Variants in AGBL4 observed in about 807,000 individuals in gnomAD.
The protein encoded by AGBL4 is cytosolic carboxypeptidase 6.
Under a neutral mutation model 66.4 loss-of-function variants are expected in AGBL4, and 58 were observed. The observed-to-expected ratio is 0.87, with a 90% CI of 0.71 to 1.09. The LOEUF (loss-of-function observed/expected upper bound fraction) is 1.09, where lower values mean the gene tolerates loss of function less well. Among genes scored for constraint, AGBL4 ranks in the 50% least tolerant of loss-of-function variants. The pLI is 0.00. For synonymous variants in AGBL4, 234 were observed against 222.9 expected (o/e 1.05, Z -0.44); for missense variants, 579 against 631.0 (o/e 0.92, Z 0.88).
chr1:49,499,228 T>G (rs1647897478), intron 3 of AGBL4, among the ~76,000 whole-genome samples: 2 of 152,034 alleles, frequency 1.3e-5, no homozygotes, highest in South Asian at 4.1e-4. Flanking sequence ...TTCAATCTCC[T>G]TTCTCAACAT....
intron 3 of AGBL4, among the ~76,000 whole-genome samples, chr1:49,575,714 C>G (rs1558067789): frequency 6.6e-6 from 1 of 152,190 alleles, no homozygotes; most frequent in Non-Finnish European, 1.5e-5. Flanking sequence ...TCTCCTGGTA[C>G]CTAGTATGCA....
intron 4 of AGBL4, among the ~76,000 whole-genome samples, chr1:49,065,189 T>C (rs547200227): frequency 1.3e-5 from 2 of 152,280 alleles, no homozygotes; most frequent in African/African-American, 2.4e-5. Context: ...AGCTAGTCAA[T>C]GGCAGCTAGA....
chr1:48,989,612 G>A (rs569927245), intron 5 of AGBL4, among the ~76,000 whole-genome samples: 6 of 152,194 alleles, frequency 3.9e-5, no homozygotes, highest in African/African-American at 1.4e-4. Context: ...CCCAAAATAA[G>A]TGAGAACAAA....
intron 7 of AGBL4, 125 bp from the exon 8 acceptor site, chr1:48,653,576 T>G: frequency 1.5e-6 from 1 of 657,148 alleles, no homozygotes; most frequent in South Asian, 1.9e-5. Context: ...TATTGGCCAC[T>G]GTGGGTGTGT....
At chr1:49,303,637 C>CA (rs1557822915) in intron 3 of AGBL4, among the ~76,000 whole-genome samples, 1 of 150,392 alleles carries the variant, frequency 6.6e-6, no homozygotes, top group African/African-American at 2.4e-5. Context: ...TTTTCTTCTT[C>CA]TTTTTTTTTC....
chr1:48,600,993 G>T (rs1015634966), intron 9 of AGBL4, among the ~76,000 whole-genome samples: 2 of 152,142 alleles, frequency 1.3e-5, no homozygotes, highest in African/African-American at 4.8e-5. Context: ...GAAACAGAGA[G>T]AGATGAGAGG....
chr1:48,555,104 C>T (rs185950289), intron 11 of AGBL4, among the ~76,000 whole-genome samples: 107 of 151,112 alleles, frequency 7.1e-4, no homozygotes, highest in African/African-American at 2.4e-3. Context: ...AGTCAGGGTG[C>T]AAAAAGTGGG....
chr1:48,727,887 T>C (rs774395516), intron 6 of AGBL4: 3 of 1,601,822 alleles, frequency 1.9e-6, no homozygotes, highest in Admixed American at 1.7e-5. Context: ...ATCCAAAGTT[T>C]ATTGCAAATT....
chr1:49,042,036 C>G (rs1643955229), intron 5 of AGBL4, among the ~76,000 whole-genome samples: 1 of 152,000 alleles, frequency 6.6e-6, no homozygotes, highest in South Asian at 2.1e-4. Context: ...TCTTAAAAAA[C>G]TCATTCTATC....
chr1:49,334,296 C>G (rs932413350), intron 3 of AGBL4, among the ~76,000 whole-genome samples: 1 of 152,120 alleles, frequency 6.6e-6, no homozygotes, highest in Non-Finnish European at 1.5e-5. Flanking sequence ...AGGTCTAGTC[C>G]TTTTTCTACT....
intron 4 of AGBL4, among the ~76,000 whole-genome samples, chr1:49,192,559 A>G (rs969916730): frequency 5.9e-5 from 9 of 152,234 alleles, no homozygotes; most frequent in African/African-American, 2.2e-4. Flanking sequence ...TTAGCCTCCC[A>G]AAGTGCTGGG....
At chr1:49,202,994 A>C (rs1026522059) in intron 4 of AGBL4, among the ~76,000 whole-genome samples, 1 of 151,946 alleles carries the variant, frequency 6.6e-6, no homozygotes, top group Non-Finnish European at 1.5e-5. Context: ...GCCAGCAAGC[A>C]TATAAAAAGA....
intron 3 of AGBL4, among the ~76,000 whole-genome samples, chr1:49,312,255 T>C (rs1644954520): frequency 6.6e-6 from 1 of 152,054 alleles, no homozygotes; most frequent in African/African-American, 2.4e-5. Context: ...TACTCCTTCC[T>C]TCCCTTCTGC....
intron 3 of AGBL4, among the ~76,000 whole-genome samples, chr1:49,257,689 C>T (rs1029874245): frequency 2.0e-5 from 3 of 152,238 alleles, no homozygotes; most frequent in Non-Finnish European, 4.4e-5. Flanking sequence ...CCTGCGCCCA[C>T]TGTCTGGCAC....
intron 2 of AGBL4, among the ~76,000 whole-genome samples, chr1:49,708,341 A>G (rs1015544284): frequency 6.6e-6 from 1 of 151,844 alleles, no homozygotes; most frequent in Middle Eastern, 3.4e-3. Flanking sequence ...TGCTTGATCA[A>G]TTTGGCTATT....
At chr1:48,803,254 A>C (rs1269866413) in intron 6 of AGBL4, among the ~76,000 whole-genome samples, 2 of 152,202 alleles carry the variant, frequency 1.3e-5, no homozygotes, top group African/African-American at 4.8e-5. Context: ...CTCTATAGGC[A>C]GGGGCTGTTA....
intron 2 of AGBL4, among the ~76,000 whole-genome samples, chr1:49,733,460 G>A (rs1006496660): frequency 6.6e-6 from 1 of 152,174 alleles, no homozygotes; most frequent in African/African-American, 2.4e-5. Context: ...TGCTGACTGG[G>A]CTGTTTATAA....
chr1:49,760,435 A>T (rs1403420528), intron 2 of AGBL4, among the ~76,000 whole-genome samples: 1 of 152,190 alleles, frequency 6.6e-6, no homozygotes, highest in Non-Finnish European at 1.5e-5. Context: ...AACATTACTG[A>T]TCATCAGAGA....
intron 2 of AGBL4, among the ~76,000 whole-genome samples, chr1:49,804,717 T>C (rs1466608475): frequency 6.6e-6 from 1 of 152,192 alleles, no homozygotes; most frequent in African/African-American, 2.4e-5. Context: ...TGCATTTTCA[T>C]CAATTAACAA....
Sources: allele counts gnomAD v4.1 joint callset (sites outside exome capture counted in the v4.1 genomes callset), GRCh38; gene constraint gnomAD v4.1.1; transcripts MANE v1.5; gene names NCBI Gene and HGNC (gene_info 2026-07-23, HGNC 2026-07-21).